KCNK12: variants seen among roughly 807,000 people sequenced by gnomAD.
KCNK12 encodes the protein potassium two pore domain channel subfamily K member 12.
In KCNK12, 6 loss-of-function variants were observed where a neutral mutation model predicts 25.3. The observed-to-expected ratio is 0.24, with a 90% CI of 0.13 to 0.47. The LOEUF (loss-of-function observed/expected upper bound fraction) is 0.47, where lower values mean the gene tolerates loss of function less well. KCNK12 is among the 20% of genes least tolerant of loss of function. KCNK12 has a pLI of 0.99. For missense variants in KCNK12, 444 were observed against 661.7 expected, an observed-to-expected ratio of 0.67 and a Z score of 3.61; for synonymous variants, 331 against 311.1, an observed-to-expected ratio of 1.06 and a Z score of -0.67.
rs561972173 is a variant in KCNK12 at position 47,515,664 on chromosome 2, G to A, written c.*5243C>T. Among the ~76,000 whole-genome samples, 1 of 152,288 alleles carries A rather than the reference G, an allele frequency of 6.6e-6. No homozygotes were observed. Among genetic ancestry groups the A allele is most frequent in the African/African-American group, 2.4e-5 (1 of 41,544 alleles). ...GTGGGGAGTGATCGTATAGACAGAG[G>A]TGGGTGGGGCCAGTGTGAGCCTGAT... On this transcript the variant is annotated 3_prime_UTR_variant, in exon 2 of 2. Transcript: ENST00000327876.
At chr2:47,545,080 A>G (rs1669285282) in intron 1 of KCNK12, among the ~76,000 whole-genome samples, 1 of 152,088 alleles carries the variant, frequency 6.6e-6, no homozygotes, top group African/African-American at 2.4e-5. Context: ...GCAGAGTCTC[A>G]CCGTCTGGGT....
At position 47,514,092 on chromosome 2, in the gene KCNK12, T is replaced by G. The variant is rs1273205974; in HGVS notation, c.*6815A>C. ...TCCCTTGCTCTGCATGCTCCAGTCC[T>G]GCAGAACTACACACAGTTCCCCCAA... On this transcript the variant is annotated 3_prime_UTR_variant, in exon 2 of 2. Coordinates refer to ENST00000327876, the MANE Select transcript of KCNK12 (RefSeq NM_022055.2). The surrounding 1 kb of genome is among the most constrained non-coding windows in gnomAD (Gnocchi z 5.0). 6.6e-6 allele frequency among the ~76,000 whole-genome samples: 1 copy of G among 152,180 alleles called. No homozygotes were observed. Among genetic ancestry groups the G allele is most frequent in the East Asian group, 1.9e-4 (1 of 5,192 alleles).
At chr2:47,531,735 G>GT (rs1668934785) in intron 1 of KCNK12, among the ~76,000 whole-genome samples, 1 of 152,168 alleles carries the variant, frequency 6.6e-6, no homozygotes, top group Admixed American at 6.5e-5. Context: ...AGGTTAAGGC[G>GT]TAAAAACAGT....
At chr2:47,567,984 C>T (rs1558568233) in intron 1 of KCNK12, among the ~76,000 whole-genome samples, 1 of 152,220 alleles carries the variant, frequency 6.6e-6, no homozygotes, top group East Asian at 1.9e-4. Context: ...CAAAGGAGCA[C>T]CGAATGACAG....
intron 1 of KCNK12, chr2:47,564,627 A>G (rs1558567121): frequency 1.6e-5 from 3 of 183,188 alleles, no homozygotes; most frequent in Non-Finnish European, 3.5e-5. Flanking sequence ...CATGACAAGG[A>G]ACTGCAGGGG....
rs1365212002 is a variant in KCNK12 at position 47,556,396 on chromosome 2, TGAAA to T, written c.391+13541_391+13544del. 1.3e-5 allele frequency among the ~76,000 whole-genome samples: 2 copies of T among 151,936 alleles called. No individual in the cohort carries two copies. Among genetic ancestry groups the T allele is most frequent in the Non-Finnish European group, 2.9e-5 (2 of 67,984 alleles). ...TTACTTTTATTACCTCAATGGAGTG[TGAAA>T]GAAAGGTAGTTAGCAGAGAGTGAGG... On this transcript the variant is annotated intron_variant, in intron 1 of 1. Transcript: ENST00000327876. This position sits in a 1 kb window ranked among gnomAD's most constrained non-coding sequence, Gnocchi z 4.8.
intron 1 of KCNK12, among the ~76,000 whole-genome samples, chr2:47,544,100 C>G (rs1437490218): frequency 6.6e-6 from 1 of 152,220 alleles, no homozygotes; most frequent in East Asian, 1.9e-4. Context: ...TGGAGTGACT[C>G]TGCTGCTTCA....
In KCNK12 at chr2:47,510,472, TAAA is replaced by T. The variant is rs1276252961; in HGVS notation, c.*10432_*10434del. 6.6e-6 allele frequency: 1 copy of T among 152,120 alleles called. No individual in the cohort carries two copies. Among genetic ancestry groups the T allele is most frequent in the Non-Finnish European group, 1.5e-5 (1 of 68,004 alleles). 9.4% of individuals were successfully genotyped at this position (152,120 alleles called of 1,614,324 possible). ...CTGCATGGAGATGGGTGGAGTTATC[TAAA>T]AGAACAGAGATAGTGTCCCTAGAAG... On this transcript the variant is annotated 3_prime_UTR_variant, in exon 2 of 2. Coordinates refer to ENST00000327876, the MANE Select transcript of KCNK12 (RefSeq NM_022055.2).
chr2:47,547,450 T>C lies in KCNK12; in HGVS notation c.391+22491A>G, dbSNP rs1375973069. On this transcript the variant is annotated intron_variant, in intron 1 of 1. Coordinates refer to ENST00000327876, the MANE Select transcript of KCNK12 (RefSeq NM_022055.2). The surrounding 1 kb of genome is among the most constrained non-coding windows in gnomAD (Gnocchi z 5.0). ...ACTCTCCTAGGTGATCTTTTCTTTT[T>C]CTTTTTGCGTCTGGGTCTGGCTCTA... Among the ~76,000 whole-genome samples, 2 of 152,222 alleles carry C rather than the reference T, an allele frequency of 1.3e-5. No homozygotes were observed. Among genetic ancestry groups the C allele is most frequent in the African/African-American group, 4.8e-5 (2 of 41,456 alleles).
rs1260976174 is a variant in KCNK12, at chr2:47,569,162, C to CA, written c.391+778dup. Reference sequence around the variant, plus strand: ...TGAGAAAACGTGAACTGTTTATATCCAAAAAAAGAGAGAAGAGATGATGGA... The same window carrying CA: ...TGAGAAAACGTGAACTGTTTATATCCAAAAAAAAGAGAGAAGAGATGATGGA... On this transcript the variant is annotated intron_variant, in intron 1 of 1. Coordinates refer to ENST00000327876, the MANE Select transcript of KCNK12 (RefSeq NM_022055.2). The surrounding 1 kb of genome is among the most constrained non-coding windows in gnomAD (Gnocchi z 4.1). Among the ~76,000 whole-genome samples, 2 of 151,548 alleles carry CA rather than the reference C, an allele frequency of 1.3e-5. No homozygotes were observed. Among genetic ancestry groups the CA allele is most frequent in the African/African-American group, 2.4e-5 (1 of 41,248 alleles).
In KCNK12 at chr2:47,529,731, C is replaced by T. The variant is rs373578001; in HGVS notation, c.392-7923G>A. Among the ~76,000 whole-genome samples the T allele has an allele frequency of 2.6e-5, 4 of 152,172 alleles. No individual in the cohort carries two copies. Among genetic ancestry groups the T allele is most frequent in the African/African-American group, 4.8e-5 (2 of 41,444 alleles). ...CAGAGAAACCATGGGAAGGCTGAGGCGTGGACTCAGTGGGCAGGGATGGAA... is the reference window on the plus strand; with the variant it reads ...CAGAGAAACCATGGGAAGGCTGAGGTGTGGACTCAGTGGGCAGGGATGGAA... On this transcript the variant is annotated intron_variant, in intron 1 of 1. Coordinates refer to ENST00000327876, the MANE Select transcript of KCNK12 (RefSeq NM_022055.2). This position sits in a 1 kb window ranked among gnomAD's most constrained non-coding sequence, Gnocchi z 4.3.
rs1233884760 is a variant in KCNK12, at chr2:47,514,104, C to A, written c.*6803G>T. On this transcript the variant is annotated 3_prime_UTR_variant, in exon 2 of 2. Transcript: ENST00000327876. This position sits in a 1 kb window ranked among gnomAD's most constrained non-coding sequence, Gnocchi z 5.0. ...CATGCTCCAGTCCTGCAGAACTACA[C>A]ACAGTTCCCCCAACAAGGCCCTGCT... Among the ~76,000 whole-genome samples the A allele has an allele frequency of 2.0e-5, 3 of 152,210 alleles. No individual in the cohort carries two copies. The East Asian group carries it at 5.8e-4, about 29-fold the overall frequency.
At chr2:47,561,266 C>G (rs555948633) in intron 1 of KCNK12, among the ~76,000 whole-genome samples, 46 of 152,328 alleles carry the variant, frequency 3.0e-4, no homozygotes, top group Admixed American at 1.5e-3. Flanking sequence ...CTGGATGTCA[C>G]TGGTCTAACT....
chr2:47,535,078 GCA>G (rs1280468314), intron 1 of KCNK12: 1 of 229,822 alleles, frequency 4.4e-6, no homozygotes, highest in Non-Finnish European at 8.6e-6. Flanking sequence ...ACGACTCAAT[GCA>G]CAGAGGCCAC....
At chr2:47,530,246 T>C (rs533994770) in intron 1 of KCNK12, among the ~76,000 whole-genome samples, 2 of 152,254 alleles carry the variant, frequency 1.3e-5, no homozygotes, top group African/African-American at 4.8e-5. Context: ...GCCTGCTCCG[T>C]GGCTGGAACT....
At position 47,528,161 on chromosome 2, in the gene KCNK12, A is replaced by T. The variant is rs1156230832; in HGVS notation, c.392-6353T>A. The T allele has an allele frequency of 6.6e-6, 1 of 152,282 alleles. No individual in the cohort carries two copies. Among genetic ancestry groups the T allele is most frequent in the East Asian group, 1.9e-4 (1 of 5,204 alleles). The allele number at this position is 152,282 out of a possible 1,614,324, so 9.4% of individuals were successfully genotyped here. A position where few individuals can be genotyped will look rare whatever the true frequency, so the allele number is the denominator to read the frequency against. On this transcript the variant is annotated intron_variant, in intron 1 of 1. Coordinates refer to ENST00000327876, the MANE Select transcript of KCNK12 (RefSeq NM_022055.2). The surrounding 1 kb of genome is among the most constrained non-coding windows in gnomAD (Gnocchi z 4.5). ...ATGCTAAATACTAGACTAGCTGTGT[A>T]ACACCATCTGCCCAGAATGAAGGGA...
At position 47,570,305 on chromosome 2, in the gene KCNK12, C is replaced by T; in HGVS notation, c.27G>A (p.Pro9=). 7.5e-6 allele frequency: 10 copies of T among 1,340,624 alleles called. No individual in the cohort carries two copies. Among genetic ancestry groups the T allele is most frequent in the South Asian group, 1.8e-5 (1 of 55,736 alleles). 83.0% of individuals were successfully genotyped at this position (1,340,624 alleles called of 1,614,324 possible). A position where few individuals can be genotyped will look rare whatever the true frequency, so the allele number is the denominator to read the frequency against. Residue 9 remains proline (P), a synonymous_variant, in exon 1 of 2, where the codon CCG becomes CCA. Coordinates refer to ENST00000327876, the MANE Select transcript of KCNK12 (RefSeq NM_022055.2). ...GCAGGCGGCGGCGGCTACGGCGGGG[C>T]GGGGGCCGGGGGCTGCGGGAGGACA... MSSRSPRP[P]PRRSRRRLPR...
intron 1 of KCNK12, among the ~76,000 whole-genome samples, chr2:47,535,708 C>G (rs1274255783): frequency 6.6e-6 from 1 of 152,166 alleles, no homozygotes; most frequent in Admixed American, 6.5e-5. Context: ...TAAGGCAGCA[C>G]AGGTCCCAGC....
intron 1 of KCNK12, among the ~76,000 whole-genome samples, chr2:47,550,037 A>G (rs1669393834): frequency 6.6e-6 from 1 of 152,226 alleles, no homozygotes; most frequent in Non-Finnish European, 1.5e-5. Context: ...TTGAAGACAT[A>G]GCAATAGAAC....
Sources: gnomAD v4.1 joint callset for allele counts (sites outside exome capture counted in the v4.1 genomes callset) on GRCh38, gnomAD v4.1.1 for gene constraint, Gnocchi (gnomAD v3.1) non-coding constraint, MANE v1.5 for transcripts, NCBI Gene and HGNC (gene_info 2026-07-23, HGNC 2026-07-21) for gene names.